The following MYBL2 variants were observed in gnomAD, a reference collection of about 807,000 sequenced individuals.
MYBL2 encodes the protein myb-related protein B.
In MYBL2, 28 loss-of-function variants were observed where a neutral mutation model predicts 79.9. The observed-to-expected ratio is 0.35, with a 90% CI of 0.26 to 0.48. The LOEUF (loss-of-function observed/expected upper bound fraction) is 0.48, where lower values mean the gene tolerates loss of function less well. MYBL2 is among the 20% of genes least tolerant of loss of function. The probability of loss-of-function intolerance (pLI) is 0.99; values close to 1 mark genes in which losing one functional copy is unlikely to be tolerated. For synonymous variants in MYBL2, 378 were observed against 361.2 expected (o/e 1.05, Z -0.53); for missense variants, 735 against 893.9 (o/e 0.82, Z 2.27).
chr20:43,682,541 C>T (rs752615634), intron 3 of MYBL2, among the ~76,000 whole-genome samples: 1 of 152,202 alleles, frequency 6.6e-6, no homozygotes, highest in African/African-American at 2.4e-5. Flanking sequence ...GTGATGGTGG[C>T]CCCTTGTGTT....
chr20:43,712,972 C>CCTAA (rs1987944253), intron 11 of MYBL2, 30 bp from the exon 12 acceptor site: 1 of 1,555,040 alleles, frequency 6.4e-7, no homozygotes, highest in East Asian at 2.3e-5. Flanking sequence ...AGACACTCAC[C>CCTAA]CTAACCCCCT....
chr20:43,672,611 A>G (rs910708672), intron 1 of MYBL2, among the ~76,000 whole-genome samples: 2 of 152,124 alleles, frequency 1.3e-5, no homozygotes, highest in Non-Finnish European at 1.5e-5. Flanking sequence ...GCATAGTGTC[A>G]TATGCAAGTT....
At chr20:43,683,004 T>C in intron 4 of MYBL2, 118 bp downstream of exon 4, 1 of 924,070 alleles carries the variant, frequency 1.1e-6, no homozygotes. Flanking sequence ...GGGTGTGAGT[T>C]GTCTACCAGC....
At chr20:43,686,199 CT>C (rs1987270121) in intron 4 of MYBL2, among the ~76,000 whole-genome samples, 1 of 152,214 alleles carries the variant, frequency 6.6e-6, no homozygotes, top group Non-Finnish European at 1.5e-5. Flanking sequence ...TTCCCAGTTT[CT>C]TGTGGCCTGT....
chr20:43,701,756 C>T (rs557386416), intron 7 of MYBL2, among the ~76,000 whole-genome samples: 1 of 152,306 alleles, frequency 6.6e-6, no homozygotes, highest in Non-Finnish European at 1.5e-5. Flanking sequence ...TACTGTGGTT[C>T]ATGTCTGTAA....
chr20:43,674,648 C>T (rs1452816030), intron 2 of MYBL2, among the ~76,000 whole-genome samples: 1 of 151,924 alleles, frequency 6.6e-6, no homozygotes, highest in African/African-American at 2.4e-5. Context: ...CCCGCCTCGG[C>T]CTCCCATAGT....
chr20:43,677,612 G>A (rs1467102490), intron 2 of MYBL2, among the ~76,000 whole-genome samples: 1 of 151,880 alleles, frequency 6.6e-6, no homozygotes, highest in African/African-American at 2.4e-5. Context: ...GGAGATGGCC[G>A]CCCGGCCACC....
intron 12 of MYBL2, among the ~76,000 whole-genome samples, chr20:43,713,726 A>G (rs986725707): frequency 2.6e-5 from 4 of 152,190 alleles, no homozygotes; most frequent in African/African-American, 4.8e-5. Flanking sequence ...ACTTGGGCAC[A>G]TTAGTCCTGG....
At chr20:43,715,507 C>G (rs370648289) in intron 13 of MYBL2, among the ~76,000 whole-genome samples, 17 of 152,348 alleles carry the variant, frequency 1.1e-4, no homozygotes, top group African/African-American at 4.1e-4. Context: ...TAGGGGTAAG[C>G]CTTCTCTGAC....
At chr20:43,678,030 T>A (rs1440856480) in intron 2 of MYBL2, among the ~76,000 whole-genome samples, 2 of 152,218 alleles carry the variant, frequency 1.3e-5, no homozygotes, top group Non-Finnish European at 2.9e-5. Flanking sequence ...CTCTGAAACG[T>A]GCTGTGTCCA....
chr20:43,674,476 T>C (rs1356446715), intron 2 of MYBL2, among the ~76,000 whole-genome samples: 2 of 151,144 alleles, frequency 1.3e-5, no homozygotes, highest in Non-Finnish European at 1.5e-5. Flanking sequence ...AACCTCTGCC[T>C]CCCAGGTTCC....
chr20:43,667,509 G>A (rs1449626539), intron 1 of MYBL2, among the ~76,000 whole-genome samples: 1 of 152,126 alleles, frequency 6.6e-6, no homozygotes, highest in African/African-American at 2.4e-5. Flanking sequence ...GGCGTCCCTC[G>A]CGGCTCCCCA....
chr20:43,699,711 T>C (rs1226706580), intron 6 of MYBL2, 46 bp from the exon 7 acceptor site: 1 of 1,599,118 alleles, frequency 6.3e-7, no homozygotes, highest in East Asian at 2.2e-5. Context: ...TACTATATAG[T>C]CTATATCTCA....
chr20:43,679,146 A>G lies in MYBL2; in HGVS notation c.115-2638A>G, dbSNP rs913533008. On this transcript the variant is annotated intron_variant, in intron 2 of 13. Coordinates refer to ENST00000217026, the MANE Select transcript of MYBL2 (RefSeq NM_002466.4). ...AGCCTGGCCAGGGCAGGGAGGGGACATGGTATAGGTAGGGAAGGGTGTCCT... is the reference window on the plus strand; with the variant it reads ...AGCCTGGCCAGGGCAGGGAGGGGACGTGGTATAGGTAGGGAAGGGTGTCCT... Among the ~76,000 whole-genome samples, 3 of 152,248 alleles carry G rather than the reference A, an allele frequency of 2.0e-5. No homozygotes were observed. The South Asian group carries it at 6.2e-4, about 32-fold the overall frequency.
intron 9 of MYBL2, 140 bp from the exon 10 acceptor site, chr20:43,709,823 C>A (rs1987865600): frequency 1.5e-6 from 1 of 668,844 alleles, no homozygotes; most frequent in Admixed American, 2.8e-5. Context: ...TGACTTGGAC[C>A]TGCAGGGTGG....
At chr20:43,706,719 G>GTTTTTTTTTTTTTTTTTTTTTTTTT (rs71193702) in intron 9 of MYBL2, among the ~76,000 whole-genome samples, 2 of 70,776 alleles carry the variant, frequency 2.8e-5, no homozygotes, top group Non-Finnish European at 2.5e-5. Flanking sequence ...AAAAAAAAAA[G>GTTTTTTTTTTTTTTTTTTTTTTTTT]TTTTTTTTTT....
chr20:43,686,740 G>T (rs1389985935), intron 4 of MYBL2, 112 bp from the exon 5 acceptor site: 1 of 1,014,660 alleles, frequency 9.9e-7, no homozygotes, highest in Non-Finnish European at 1.5e-6. Flanking sequence ...CTGAGGGGAT[G>T]TGGTAGGTGG....
intron 1 of MYBL2, among the ~76,000 whole-genome samples, chr20:43,672,085 T>G: frequency 6.6e-6 from 1 of 151,886 alleles, no homozygotes; most frequent in Non-Finnish European, 1.5e-5. Flanking sequence ...GTGGCAGGCG[T>G]CTGTAATCTC....
chr20:43,698,661 ATTTTTT>A lies in MYBL2; in HGVS notation c.664-1079_664-1074del, dbSNP rs1188859456. Among the ~76,000 whole-genome samples, 946 of 115,922 alleles carry A rather than the reference ATTTTTT, an allele frequency of 8.2e-3. 6 individuals are homozygous for A. The highest frequency in any genetic ancestry group is 0.029 in the Middle Eastern group (5 of 172). The allele number at this position is 115,922 out of a possible 152,430, so 76.0% of individuals were successfully genotyped here. A position where few individuals can be genotyped will look rare whatever the true frequency, so the allele number is the denominator to read the frequency against. On this transcript the variant is annotated intron_variant, in intron 6 of 13. Transcript: ENST00000217026. ...CCAATGTGCTGGGATTACAGGCGTG[ATTTTTT>A]TTTTTTTTTTTTTTTTAAATGAGCA...
Sources: gnomAD v4.1 joint callset for allele counts (sites outside exome capture counted in the v4.1 genomes callset) on GRCh38, gnomAD v4.1.1 for gene constraint, MANE v1.5 for transcripts, NCBI Gene and HGNC (gene_info 2026-07-23, HGNC 2026-07-21) for gene names.